Variants in TFEC observed in about 807,000 individuals in gnomAD.
The protein encoded by TFEC is class E basic helix-loop-helix protein 34.
In TFEC, 31 loss-of-function variants were observed where a neutral mutation model predicts 41.6. The observed-to-expected ratio is 0.74, with a 90% CI of 0.56 to 1.01. The LOEUF is 1.01. Ranked by LOEUF, TFEC falls within the 50% of genes least tolerant of loss-of-function variation. TFEC has a pLI of 0.00. For missense variants in TFEC, 402 were observed against 404.1 expected, an observed-to-expected ratio of 0.99 and a Z score of 0.04; for synonymous variants, 143 against 140.6, an observed-to-expected ratio of 1.02 and a Z score of -0.12.
At chr7:115,951,944 T>A (rs1397499876) in intron 5 of TFEC, among the ~76,000 whole-genome samples, 1 of 152,086 alleles carries the variant, frequency 6.6e-6, no homozygotes, top group Admixed American at 6.6e-5. Context: ...ATACATGGTA[T>A]CTTTTTCAAC....
intron 2 of TFEC, among the ~76,000 whole-genome samples, 153 bp from the exon 3 acceptor site, chr7:115,974,409 TATA>T (rs1793280891): frequency 3.8e-5 from 1 of 26,008 alleles, no homozygotes; most frequent in African/African-American, 1.6e-4. Context: ...CTCAATATTA[TATA>T]TATATATATA....
chr7:116,110,759 A>C, exon 3 of TFEC: 1 of 1,538,962 alleles, frequency 6.5e-7, no homozygotes, highest in Non-Finnish European at 8.8e-7. Context: ...TTGCTGGGAC[A>C]AGTCTATGCA....
intron 3 of TFEC, among the ~76,000 whole-genome samples, chr7:116,049,221 G>A (rs1451100485): frequency 6.6e-6 from 1 of 152,194 alleles, no homozygotes; most frequent in Non-Finnish European, 1.5e-5. Context: ...TCAGTGTGCT[G>A]TATTCAGGAG....
intron 3 of TFEC, among the ~76,000 whole-genome samples, chr7:116,046,244 A>G (rs1430036029): frequency 6.6e-6 from 1 of 152,160 alleles, no homozygotes; most frequent in Non-Finnish European, 1.5e-5. Flanking sequence ...CAGGGGCAGA[A>G]TGATATGGTT....
At chr7:116,139,936 G>A (rs1046341103) in intron 1 of TFEC, among the ~76,000 whole-genome samples, 1 of 152,210 alleles carries the variant, frequency 6.6e-6, no homozygotes, top group African/African-American at 2.4e-5. Context: ...ACCCCCATGA[G>A]GCTGGATTGC....
At chr7:116,156,630 A>G (rs2116494399) in intron 1 of TFEC, among the ~76,000 whole-genome samples, 1 of 152,232 alleles carries the variant, frequency 6.6e-6, no homozygotes, top group East Asian at 1.9e-4. Flanking sequence ...ATTCTTTAGA[A>G]TTTCTACTTG....
intron 1 of TFEC, among the ~76,000 whole-genome samples, chr7:116,017,241 A>C (rs1795225641): frequency 6.6e-6 from 1 of 152,190 alleles, no homozygotes; most frequent in African/African-American, 2.4e-5. Flanking sequence ...TTGTTTATTT[A>C]GACAGAGTCT....
chr7:115,941,132 C>CT (rs1398024345), intron 7 of TFEC: 31 of 559,466 alleles, frequency 5.5e-5, no homozygotes, highest in Admixed American at 7.3e-5. Context: ...ATTACTCAGA[C>CT]TTTTTTTTAA....
intron 3 of TFEC, among the ~76,000 whole-genome samples, chr7:116,054,693 T>G (rs1796388061): frequency 6.6e-6 from 1 of 152,108 alleles, no homozygotes. Context: ...AAATATGGCA[T>G]GGAACATACG....
chr7:115,965,346 A>G (rs556449633), intron 3 of TFEC, among the ~76,000 whole-genome samples: 204 of 151,740 alleles, frequency 1.3e-3, no homozygotes, highest in African/African-American at 3.6e-3. Context: ...AAAGATGCTG[A>G]TTTAATTACA....
chr7:115,991,665 G>T (rs1794119989), intron 1 of TFEC, among the ~76,000 whole-genome samples: 1 of 152,168 alleles, frequency 6.6e-6, no homozygotes, highest in Non-Finnish European at 1.5e-5. Flanking sequence ...AATTTAACAA[G>T]AAGAGCTAAC....
chr7:115,972,452 T>C (rs1793176962), intron 3 of TFEC, among the ~76,000 whole-genome samples: 1 of 152,098 alleles, frequency 6.6e-6, no homozygotes, highest in Admixed American at 6.6e-5. Flanking sequence ...TGACCCAAGT[T>C]CCACATTCTT....
intron 1 of TFEC, among the ~76,000 whole-genome samples, chr7:116,022,507 C>T (rs992457201): frequency 6.6e-6 from 1 of 152,030 alleles, no homozygotes; most frequent in African/African-American, 2.4e-5. Context: ...TGTCAAGTAG[C>T]CTTATCTTTA....
intron 1 of TFEC, among the ~76,000 whole-genome samples, chr7:116,023,491 G>T (rs113596001): frequency 6.6e-6 from 1 of 152,100 alleles, no homozygotes. Flanking sequence ...GATAGAGATA[G>T]AACTCTTTTA....
chr7:116,018,149 A>G (rs1307170640), intron 1 of TFEC, among the ~76,000 whole-genome samples: 2 of 152,196 alleles, frequency 1.3e-5, no homozygotes, highest in South Asian at 2.1e-4. Context: ...AATCTCCCCA[A>G]CAGCCCTATG....
intron 1 of TFEC, among the ~76,000 whole-genome samples, chr7:116,029,601 T>C (rs1390754537): frequency 6.6e-6 from 1 of 152,044 alleles, no homozygotes; most frequent in East Asian, 1.9e-4. Flanking sequence ...CCCAGTGAAA[T>C]ATTCTAAGAC....
intron 1 of TFEC, among the ~76,000 whole-genome samples, chr7:116,012,246 C>G (rs1051798970): frequency 6.6e-6 from 1 of 152,064 alleles, no homozygotes; most frequent in African/African-American, 2.4e-5. Flanking sequence ...AGAGTTTAAA[C>G]ATTAATATTT....
chr7:116,121,890 T>TA (rs1798115188), intron 1 of TFEC, among the ~76,000 whole-genome samples: 1 of 151,910 alleles, frequency 6.6e-6, no homozygotes, highest in Non-Finnish European at 1.5e-5. Flanking sequence ...ATCAGTAAAA[T>TA]AAAAAATTCA....
chr7:116,044,010 T>C (rs1196600758), intron 3 of TFEC, among the ~76,000 whole-genome samples: 2 of 152,222 alleles, frequency 1.3e-5, no homozygotes, highest in Non-Finnish European at 2.9e-5. Flanking sequence ...AGCTGCCATG[T>C]AATTCTTAGT....
Sources: gnomAD v4.1 joint callset for allele counts (sites outside exome capture counted in the v4.1 genomes callset) on GRCh38, gnomAD v4.1.1 for gene constraint, MANE v1.5 for transcripts, NCBI Gene and HGNC (gene_info 2026-07-23, HGNC 2026-07-21) for gene names.